Variants in PDXDC1 observed in about 807,000 individuals in gnomAD.
PDXDC1 encodes the protein pyridoxal dependent decarboxylase domain containing 1.
Under a neutral mutation model 100.1 loss-of-function variants are expected in PDXDC1, and 42 were observed. The observed-to-expected ratio is 0.42, with a 90% confidence interval of 0.33 to 0.54. The LOEUF (loss-of-function observed/expected upper bound fraction) is 0.54, where lower values mean the gene tolerates loss of function less well. Ranked by LOEUF, PDXDC1 falls within the 20% of genes least tolerant of loss-of-function variation. The probability of loss-of-function intolerance (pLI) is 0.10; values close to 1 mark genes in which losing one functional copy is unlikely to be tolerated. For missense variants in PDXDC1, 636 were observed against 979.2 expected, an observed-to-expected ratio of 0.65 and a Z score of 4.68; for synonymous variants, 260 against 371.7, an observed-to-expected ratio of 0.70 and a Z score of 3.46.
At chr16:15,110,695 A>T (rs1433246935) in intron 16 of PDXDC1, 2 of 1,587,328 alleles carry the variant, frequency 1.3e-6, no homozygotes, top group African/African-American at 1.3e-5. Flanking sequence ...TCATTTCCAC[A>T]CTATGGGGAC....
At chr16:15,143,383 G>A (rs971421322), downstream of PDXDC1, among the ~76,000 whole-genome samples, 3 of 152,210 alleles carry the variant, frequency 2.0e-5, no homozygotes, top group African/African-American at 7.2e-5. Flanking sequence ...GTGGGGCCAC[G>A]TCCCAGGGCT....
chr16:15,038,310 T>TAATA lies in PDXDC1; in HGVS notation c.*2038_*2041dup, dbSNP rs1258177922. ...CTTTGTTCTTGGACACAAATATATATAATAAAATACGTTAAGAAATGAGGT... is the reference window on the plus strand; with the variant it reads ...CTTTGTTCTTGGACACAAATATATATAATAAATAAAATACGTTAAGAAATGAGGT... On this transcript the variant is annotated 3_prime_UTR_variant, in exon 23 of 23. Transcript: ENST00000396410. 2.4e-6 allele frequency: 2 copies of TAATA among 849,872 alleles called. No homozygotes were observed. Among genetic ancestry groups the TAATA allele is most frequent in the Non-Finnish European group, 3.6e-6 (2 of 548,552 alleles). The allele number at this position is 849,872 out of a possible 1,614,324, so 52.6% of individuals were successfully genotyped here.
the PDXDC1 span, among the ~76,000 whole-genome samples, chr16:15,150,296 G>T: frequency 1.3e-5 from 2 of 150,454 alleles, no homozygotes; most frequent in African/African-American, 4.9e-5. Context: ...AGCCGAGATG[G>T]CACTGCTGCA....
At chr16:14,998,751 G>A (rs8050466) in intron 3 of PDXDC1, among the ~76,000 whole-genome samples, 46 of 152,250 alleles carry the variant, frequency 3.0e-4, no homozygotes, top group African/African-American at 1.0e-3. Flanking sequence ...CACTGTGCCC[G>A]GCCTACATTT....
intron 16 of PDXDC1, chr16:15,121,873 G>A (rs1473440415): frequency 7.5e-5 from 14 of 186,918 alleles, no homozygotes; most frequent in African/African-American, 2.8e-4. Flanking sequence ...GGCCAGGCGC[G>A]GTGGCTCACG....
intron 16 of PDXDC1, among the ~76,000 whole-genome samples, chr16:15,126,194 C>T (rs1308077976): frequency 6.6e-6 from 1 of 151,352 alleles, no homozygotes; most frequent in Non-Finnish European, 1.5e-5. Context: ...GCCACGATGC[C>T]CAGCTGATTT....
chr16:15,039,905 T>G (rs1305715412), downstream of PDXDC1: 1 of 915,638 alleles, frequency 1.1e-6, no homozygotes, highest in Non-Finnish European at 1.7e-6. Flanking sequence ...CCCAAAAACT[T>G]AAGGCCTTGA....
At chr16:15,021,536 G>C (rs1269907598) in intron 12 of PDXDC1, among the ~76,000 whole-genome samples, 1 of 152,294 alleles carries the variant, frequency 6.6e-6, no homozygotes, top group Non-Finnish European at 1.5e-5. Context: ...GACGACTTGG[G>C]CACTCGGGAG....
Position 14,997,760 on chromosome 16 carries a change from A to G in PDXDC1, c.29A>G (p.Asp10Gly), listed in dbSNP as rs761803761. 27 of 1,608,780 alleles carry G rather than the reference A, an allele frequency of 1.7e-5. No homozygotes were observed. The South Asian group carries it at 2.4e-4, about 15-fold the overall frequency. Residue 10 changes from aspartate to glycine, a missense_variant, in exon 2 of 23, where the codon GAC becomes GGC. This residue lies in a region of PDXDC1 where 125 missense variants were observed against 479.9 expected (regional missense o/e 0.26). Coordinates refer to ENST00000396410, the MANE Select transcript of PDXDC1 (RefSeq NM_015027.4). Reference sequence around the variant, plus strand: ...TTTTTTTTTGTTTCCCAGATAGCAGACCCCACGTTAGCTGAAATGGGAAAA... The same window carrying G: ...TTTTTTTTTGTTTCCCAGATAGCAGGCCCCACGTTAGCTGAAATGGGAAAA... Reference protein sequence around the residue: MDASLEKIADPTLAEMGKNL... With the variant: MDASLEKIAGPTLAEMGKNL...
chr16:15,146,110 G>C, the PDXDC1 span, among the ~76,000 whole-genome samples: 3 of 152,206 alleles, frequency 2.0e-5, no homozygotes, highest in Non-Finnish European at 4.4e-5. Context: ...GCGGTGCCCG[G>C]CCACTGTCAC....
the PDXDC1 span, among the ~76,000 whole-genome samples, chr16:15,145,135 G>C: frequency 1.3e-5 from 2 of 152,216 alleles, no homozygotes; most frequent in Non-Finnish European, 2.9e-5. Context: ...GCAGCCAGCA[G>C]GGTCCAGAGT....
Position 15,038,250 on chromosome 16 carries a change from T to G in PDXDC1, c.*1975T>G. ...TGGTGGGCATTAGAGAAGCCAACCT[T>G]ACTGTCCCCTGCTGTGATAAAGATG... On this transcript the variant is annotated 3_prime_UTR_variant, in exon 23 of 23. Coordinates refer to ENST00000396410, the MANE Select transcript of PDXDC1 (RefSeq NM_015027.4). 1 of 1,418,954 alleles carries G rather than the reference T, an allele frequency of 7.0e-7. No individual in the cohort carries two copies. The highest frequency in any genetic ancestry group is 9.9e-7 in the Non-Finnish European group (1 of 1,012,806). 87.9% of individuals were successfully genotyped at this position (1,418,954 alleles called of 1,614,324 possible). A position where few individuals can be genotyped will look rare whatever the true frequency, so the allele number is the denominator to read the frequency against.
intron 16 of PDXDC1, among the ~76,000 whole-genome samples, chr16:15,097,856 C>G (rs2046411155): frequency 6.6e-6 from 1 of 150,916 alleles, no homozygotes; most frequent in Non-Finnish European, 1.5e-5. Context: ...AAACAATGCA[C>G]TATATTTACT....
chr16:15,089,527 G>A (rs2046034283), intron 16 of PDXDC1, among the ~76,000 whole-genome samples: 1 of 152,122 alleles, frequency 6.6e-6, no homozygotes, highest in Non-Finnish European at 1.5e-5. Context: ...CTGGCCGGGC[G>A]TGGTTACTCA....
intron 16 of PDXDC1, chr16:15,075,006 T>C (rs549035840): frequency 1.2e-6 from 1 of 806,790 alleles, no homozygotes; most frequent in East Asian, 2.8e-5. Context: ...GCCCAGCACT[T>C]TGGGAAGCAG....
chr16:15,035,933 A>G, intron 22 of PDXDC1, 83 bp from the exon 23 acceptor site: 1 of 1,380,950 alleles, frequency 7.2e-7, no homozygotes, highest in Non-Finnish European at 9.9e-7. Flanking sequence ...TGTGAAATAA[A>G]GCAATTATCT....
rs2045451950 is a variant in PDXDC1, at chr16:15,076,292, T to C, written c.1399+46236T>C. 14 of 595,238 alleles carry C rather than the reference T, an allele frequency of 2.4e-5. No homozygotes were observed. The South Asian group carries it at 2.8e-4, about 12-fold the overall frequency. 36.9% of individuals were successfully genotyped at this position (595,238 alleles called of 1,614,324 possible). A position where few individuals can be genotyped will look rare whatever the true frequency, so the allele number is the denominator to read the frequency against. ...ATTAACCACGCCCTCACAGACAGCA[T>C]CTGGCTTACAAAAACAAACACTGAA... is the stretch of plus-strand genomic sequence containing the variant. On this transcript the variant is annotated intron_variant, in intron 16 of 16. Coordinates refer to the PDXDC1 transcript ENST00000535621.
chr16:15,043,498 C>T (rs151105040), intron 16 of PDXDC1, among the ~76,000 whole-genome samples: 7 of 152,292 alleles, frequency 4.6e-5, no homozygotes, highest in African/African-American at 1.2e-4. Context: ...GCCATGATGG[C>T]GCCACTGCAC....
rs2043453216 is a variant in PDXDC1 at position 15,036,348 on chromosome 16, T to G, written c.*73T>G. On this transcript the variant is annotated 3_prime_UTR_variant, in exon 23 of 23. Coordinates refer to ENST00000396410, the MANE Select transcript of PDXDC1 (RefSeq NM_015027.4). ...ATGAAGTTCTATTGGAAATGTGAAC[T>G]GTGCCACATACTAATATAAATTACT... 3 of 1,325,292 alleles carry G rather than the reference T, an allele frequency of 2.3e-6. No homozygotes were observed. Among genetic ancestry groups the G allele is most frequent in the Non-Finnish European group, 3.2e-6 (3 of 949,398 alleles). The allele number at this position is 1,325,292 out of a possible 1,614,324, so 82.1% of individuals were successfully genotyped here. A position where few individuals can be genotyped will look rare whatever the true frequency, so the allele number is the denominator to read the frequency against.
Sources: allele counts gnomAD v4.1 joint callset (sites outside exome capture counted in the v4.1 genomes callset), GRCh38; gene constraint gnomAD v4.1.1; regional missense constraint gnomAD v4.1.1; transcripts MANE v1.5; gene names NCBI Gene and HGNC (gene_info 2026-07-23, HGNC 2026-07-21).